BLTP1: variants seen among roughly 807,000 people sequenced by gnomAD.
BLTP1 encodes bridge-like lipid transfer protein family member 1.
chr4:122,362,283 G>A, the BLTP1 span: 2 of 1,546,234 alleles, frequency 1.3e-6, no homozygotes, highest in South Asian at 2.3e-5. Context: ...TTATGATTGT[G>A]TCTGTTTTAT....
At chr4:122,246,349 A>G in the BLTP1 span, 12 of 1,418,626 alleles carry the variant, frequency 8.5e-6, no homozygotes, top group Non-Finnish European at 1.1e-5. Context: ...GAGCATTTTG[A>G]TGGTGTTTGT....
chr4:122,182,569 C>A, the BLTP1 span: 1 of 813,204 alleles, frequency 1.2e-6, no homozygotes, highest in Non-Finnish European at 1.5e-6. Flanking sequence ...CCTACTCACT[C>A]ATCATCATGC....
At chr4:122,339,334 CAG>C in the BLTP1 span, 2 of 1,613,416 alleles carry the variant, frequency 1.2e-6, no homozygotes, top group African/African-American at 1.3e-5. Context: ...ACATATCCTG[CAG>C]AGACTTTATC....
the BLTP1 span, chr4:122,199,967 A>T: frequency 1.6e-5 from 16 of 971,228 alleles, no homozygotes; most frequent in African/African-American, 2.3e-4. Context: ...CTCATTAATC[A>T]AGCAGATTAT....
At chr4:122,182,443 A>G in the BLTP1 span, among the ~76,000 whole-genome samples, 4 of 152,010 alleles carry the variant, frequency 2.6e-5, no homozygotes, top group Non-Finnish European at 4.4e-5. Flanking sequence ...CATTACCTTA[A>G]ATTTACCACC....
At chr4:122,207,688 T>C in the BLTP1 span, 2 of 1,413,980 alleles carry the variant, frequency 1.4e-6, no homozygotes, top group South Asian at 2.4e-5. Flanking sequence ...TTAGTAAATT[T>C]GATTTCCCAA....
chr4:122,289,421 C>G, the BLTP1 span: 1 of 838,322 alleles, frequency 1.2e-6, no homozygotes, highest in African/African-American at 1.8e-5. Context: ...TCAGAAAGCT[C>G]CTTTATGTTT....
chr4:122,320,221 T>C, the BLTP1 span, among the ~76,000 whole-genome samples: 2 of 152,082 alleles, frequency 1.3e-5, no homozygotes, highest in African/African-American at 4.8e-5. Context: ...CAATCATAGC[T>C]CATTACAACC....
chr4:122,226,619 T>C, the BLTP1 span: 1 of 1,560,376 alleles, frequency 6.4e-7, no homozygotes, highest in Non-Finnish European at 8.6e-7. Flanking sequence ...TCTTTCAAGC[T>C]ACGTTAACAT....
chr4:122,159,399 G>T, the BLTP1 span, among the ~76,000 whole-genome samples: 1 of 151,464 alleles, frequency 6.6e-6, no homozygotes, highest in Non-Finnish European at 1.5e-5. Context: ...GGAGGCGGAG[G>T]TTGCAGTGAG....
chr4:122,233,898 T>C, the BLTP1 span, among the ~76,000 whole-genome samples: 2 of 152,216 alleles, frequency 1.3e-5, no homozygotes, highest in African/African-American at 4.8e-5. Flanking sequence ...AGCATGACAC[T>C]AGGCACTTAA....
chr4:122,322,311 A>C, the BLTP1 span, among the ~76,000 whole-genome samples: 5 of 151,860 alleles, frequency 3.3e-5, no homozygotes, highest in South Asian at 1.0e-3. Context: ...TGTCCAGTCT[A>C]CTAATAAGTT....
chr4:122,291,846 T>A, the BLTP1 span: 1 of 979,310 alleles, frequency 1.0e-6, no homozygotes, highest in South Asian at 4.7e-5. Flanking sequence ...GTTTTGTGAA[T>A]GGTTGAGCTT....
the BLTP1 span, chr4:122,309,172 T>C: frequency 6.8e-7 from 1 of 1,476,928 alleles, no homozygotes; most frequent in South Asian, 1.4e-5. Flanking sequence ...GGCTTGACCG[T>C]TTCTAGATTT....
the BLTP1 span, chr4:122,197,849 A>C: frequency 2.2e-6 from 1 of 452,976 alleles, no homozygotes; most frequent in Admixed American, 6.4e-5. Flanking sequence ...GCACTGACAC[A>C]GTTAATAACA....
At chr4:122,293,916 G>C in the BLTP1 span, among the ~76,000 whole-genome samples, 1 of 152,156 alleles carries the variant, frequency 6.6e-6, no homozygotes, top group South Asian at 2.1e-4. Context: ...ACTGGGAGGA[G>C]TTCCCTACAA....
chr4:122,301,281 G>C, the BLTP1 span: 1 of 1,543,688 alleles, frequency 6.5e-7, no homozygotes, highest in South Asian at 1.3e-5. Context: ...AAATTGTCCC[G>C]AACTCTTCTT....
At chr4:122,173,792 C>CT in the BLTP1 span, among the ~76,000 whole-genome samples, 623 of 151,776 alleles carry the variant, frequency 4.1e-3, 1 homozygote, top group Admixed American at 6.8e-3. Context: ...AACTTTTTGA[C>CT]TTTTTTTTAA....
At chr4:122,342,528 G>A in the BLTP1 span, among the ~76,000 whole-genome samples, 3 of 151,928 alleles carry the variant, frequency 2.0e-5, no homozygotes, top group East Asian at 1.9e-4. Flanking sequence ...GCTAGTTTTT[G>A]TACTTTTAGT....
Sources: gnomAD v4.1 joint callset for allele counts (sites outside exome capture counted in the v4.1 genomes callset) on GRCh38, gnomAD v4.1.1 for gene constraint, MANE v1.5 for transcripts, NCBI Gene and HGNC (gene_info 2026-07-23, HGNC 2026-07-21) for gene names.